Variants in SMCHD1 observed in about 807,000 individuals in gnomAD.
SMCHD1 encodes structural maintenance of chromosomes flexible hinge domain containing 1, also known as structural maintenance of chromosomes flexible hinge domain-containing protein 1.
SMCHD1 carries 78 observed loss-of-function variants against 254.7 expected under a neutral mutation model. That is an observed-to-expected ratio of 0.31 (90% CI 0.26 to 0.37). The LOEUF (loss-of-function observed/expected upper bound fraction) is 0.37, where lower values mean the gene tolerates loss of function less well. Ranked by LOEUF, SMCHD1 falls within the 10% of genes least tolerant of loss-of-function variation. The pLI is 1.00. For missense variants in SMCHD1, 1,840 were observed against 2,408.1 expected (o/e 0.76, Z 4.94); for synonymous variants, 766 against 794.9 (o/e 0.96, Z 0.61).
intron 25 of SMCHD1, among the ~76,000 whole-genome samples, chr18:2,734,651 CT>C (rs33995854): frequency 4.8e-5 from 7 of 145,968 alleles, no homozygotes; most frequent in Admixed American, 6.8e-5. Flanking sequence ...GCTTATTTTC[CT>C]TTTTTTTTTT....
intron 5 of SMCHD1, among the ~76,000 whole-genome samples, chr18:2,675,408 G>A (rs1025687771): frequency 6.6e-6 from 1 of 151,846 alleles, no homozygotes; most frequent in Non-Finnish European, 1.5e-5. Context: ...GCGACTACAG[G>A]CACCCACCAC....
chr18:2,760,510 C>A, intron 34 of SMCHD1, 142 bp from the exon 35 acceptor site: 1 of 565,006 alleles, frequency 1.8e-6, no homozygotes, highest in Non-Finnish European at 3.2e-6. Flanking sequence ...ATTTGTTGAA[C>A]GAATGAAGGT....
Position 2,688,452 on chromosome 18 carries a change from T to A in SMCHD1, c.697T>A (p.Ser233Thr), listed in dbSNP as rs1438144826. 6.2e-7 allele frequency: 1 copy of A among 1,613,920 alleles called. No individual in the cohort carries two copies. The highest frequency in any genetic ancestry group is 8.5e-7 in the Non-Finnish European group (1 of 1,179,802). The part of the protein sequence containing the change: ...PVPRSLNSDI[S>T]YFGVGGKQAV... Reference sequence around the variant, plus strand: ...GCCACGCAGTTTAAATAGTGATATTTCCTATTTTGGTGTTGGGGGCAAGCA... The same window carrying A: ...GCCACGCAGTTTAAATAGTGATATTACCTATTTTGGTGTTGGGGGCAAGCA... Residue 233 changes from serine (S) to threonine (T), a missense_variant, in exon 6 of 48, where the codon TCC (serine) becomes ACC (threonine). Ser to Thr is a moderately conservative substitution (Grantham distance 58). This residue lies in a region of SMCHD1 where 498 missense variants were observed against 743.5 expected (regional missense o/e 0.67). Transcript: ENST00000320876.
At chr18:2,745,637 A>G (rs2075439762) in intron 29 of SMCHD1, among the ~76,000 whole-genome samples, 1 of 152,178 alleles carries the variant, frequency 6.6e-6, no homozygotes, top group Non-Finnish European at 1.5e-5. Context: ...TTGTTGATTG[A>G]CTGTTACCTG....
intron 9 of SMCHD1, 36 bp from the exon 10 acceptor site, chr18:2,697,795 T>C: frequency 7.2e-7 from 1 of 1,383,686 alleles, no homozygotes; most frequent in Non-Finnish European, 1.0e-6. Context: ...AAAGTTACCA[T>C]AGAATTTAAT....
intron 37 of SMCHD1, among the ~76,000 whole-genome samples, chr18:2,766,934 A>G (rs1243651282): frequency 6.6e-6 from 1 of 152,154 alleles, no homozygotes; most frequent in Non-Finnish European, 1.5e-5. Flanking sequence ...AAACAAGATA[A>G]AAAGGAAAAG....
chr18:2,750,443 AC>A lies in SMCHD1; in HGVS notation c.4104del (p.Val1369PhefsTer14), dbSNP rs1555647265. On this transcript the variant is annotated frameshift_variant, in exon 32 of 48. Coordinates refer to ENST00000320876, the MANE Select transcript of SMCHD1 (RefSeq NM_015295.3). LOFTEE classifies it high-confidence loss of function. Reference protein sequence around the residue: ...KLMILPDPEKPVRLNVKYDKD... With the variant: ...KLMILPDPEKXVRLNVKYDKD... ...TAATGATTCTTCCAGACCCAGAAAA[AC>A]CCGTTCGTCTCAATGTTAAATATGA... The A allele has an allele frequency of 6.2e-7, 1 of 1,611,218 alleles. No homozygotes were observed. Among genetic ancestry groups the A allele is most frequent in the Non-Finnish European group, 8.5e-7 (1 of 1,178,480 alleles).
chr18:2,709,287 T>A (rs1260980224), intron 17 of SMCHD1, among the ~76,000 whole-genome samples: 2 of 149,196 alleles, frequency 1.3e-5, no homozygotes, highest in African/African-American at 4.9e-5. Context: ...ATATTTTGTT[T>A]ATCCATTTGT....
At chr18:2,706,547 C>A (rs951808293) in intron 15 of SMCHD1, 77 bp downstream of exon 15, 3 of 977,732 alleles carry the variant, frequency 3.1e-6, no homozygotes, top group Non-Finnish European at 3.1e-6. Flanking sequence ...CTGAGTATGT[C>A]ATTTACTCTG....
At chr18:2,744,594 T>C (rs1172006804) in intron 29 of SMCHD1, among the ~76,000 whole-genome samples, 2 of 152,186 alleles carry the variant, frequency 1.3e-5, no homozygotes, top group African/African-American at 4.8e-5. Flanking sequence ...ACATTTGAAA[T>C]CTATTCTCTT....
At position 2,740,784 on chromosome 18, in the gene SMCHD1, T is replaced by C. The variant is rs376586199; in HGVS notation, c.3596T>C (p.Val1199Ala). The change falls in exon 28 of 48, where the codon GTT becomes GCT. Residue 1199 changes from valine (V) to alanine (A), a missense_variant. Coordinates refer to ENST00000320876, the MANE Select transcript of SMCHD1 (RefSeq NM_015295.3). ...SSLSSLSIAG[V>A]GLDSSNLKTT... Reference sequence around the variant, plus strand: ...TTATCTTCTTTGTCAATTGCTGGGGTTGGACTTGATAGCTCAAATTTGAAA... The same window carrying C: ...TTATCTTCTTTGTCAATTGCTGGGGCTGGACTTGATAGCTCAAATTTGAAA... 103 of 1,610,186 alleles carry C rather than the reference T, an allele frequency of 6.4e-5. No homozygotes were observed. Among genetic ancestry groups the C allele is most frequent in the Admixed American group, 8.4e-5 (5 of 59,754 alleles).
Position 2,667,027 on chromosome 18 carries a change from T to G in SMCHD1, c.420T>G (p.Pro140=), listed in dbSNP as rs2143806315. The G allele has an allele frequency of 6.4e-7, 1 of 1,571,564 alleles. No homozygotes were observed. The highest frequency in any genetic ancestry group is 8.7e-7 in the Non-Finnish European group (1 of 1,155,642). Residue 140 remains proline (P), a synonymous_variant, in exon 3 of 48, where the codon CCT becomes CCG. Transcript: ENST00000320876. ...ATTATGCCAGTGAAGGACAAAATCC[T>G]TTGCGTAAGTATCCCATTCATACTA... ...YEYYASEGQN[P]LPFALAELID...
intron 39 of SMCHD1, among the ~76,000 whole-genome samples, chr18:2,770,865 C>CA (rs1327173987): frequency 1.3e-5 from 2 of 152,142 alleles, no homozygotes; most frequent in East Asian, 1.9e-4. Flanking sequence ...AAGTGATCTG[C>CA]CCACCTTGGC....
chr18:2,660,472 GTT>G (rs547130890), intron 1 of SMCHD1, among the ~76,000 whole-genome samples: 1,318 of 126,120 alleles, frequency 0.01, 12 homozygotes, highest in African/African-American at 0.038. Flanking sequence ...AAAATCCATG[GTT>G]TTTTTTTTTT....
At chr18:2,749,674 T>C (rs574951338) in intron 30 of SMCHD1, among the ~76,000 whole-genome samples, 2 of 152,336 alleles carry the variant, frequency 1.3e-5, no homozygotes, top group South Asian at 4.1e-4. Context: ...GTACAGTATA[T>C]ATTTCTCCAG....
intron 8 of SMCHD1, among the ~76,000 whole-genome samples, chr18:2,696,462 T>C (rs2074287634): frequency 6.6e-6 from 1 of 152,214 alleles, no homozygotes; most frequent in Non-Finnish European, 1.5e-5. Context: ...TATGAGACTC[T>C]AGTGCTTGTC....
intron 34 of SMCHD1, among the ~76,000 whole-genome samples, chr18:2,755,866 C>T (rs1234078764): frequency 6.6e-6 from 1 of 151,952 alleles, no homozygotes; most frequent in African/African-American, 2.4e-5. Context: ...CGCCCTCGGC[C>T]GTGTATTTTC....
chr18:2,740,867 A>G (rs761153567), intron 28 of SMCHD1, 46 bp downstream of exon 28: 2 of 1,085,740 alleles, frequency 1.8e-6, no homozygotes, highest in Admixed American at 2.5e-5. Flanking sequence ...ATTCATTGTT[A>G]TATGTGTAAC....
At chr18:2,707,690 T>C in intron 16 of SMCHD1, 45 bp downstream of exon 16, 1 of 1,491,540 alleles carries the variant, frequency 6.7e-7, no homozygotes, top group African/African-American at 1.4e-5. Context: ...TGCTTTTCTT[T>C]TGTCTTACAT....
Sources: allele counts gnomAD v4.1 joint callset (sites outside exome capture counted in the v4.1 genomes callset), GRCh38; gene constraint gnomAD v4.1.1; regional missense constraint gnomAD v4.1.1; transcripts MANE v1.5; gene names NCBI Gene and HGNC (gene_info 2026-07-23, HGNC 2026-07-21).